Variants in RIMS1 observed in about 807,000 individuals in gnomAD.
RIMS1 encodes the protein regulating synaptic membrane exocytosis protein 1.
In RIMS1, 83 loss-of-function variants were observed where a neutral mutation model predicts 214.1. The ratio of observed to expected loss-of-function variants is 0.39; its 90% CI spans 0.32 to 0.47. The LOEUF is 0.47. RIMS1 is among the 20% of genes least tolerant of loss of function. The pLI is 0.99. For missense variants in RIMS1, 2,050 were observed against 2,161.8 expected, an observed-to-expected ratio of 0.95 and a Z score of 1.03; for synonymous variants, 793 against 786.8, an observed-to-expected ratio of 1.01 and a Z score of -0.13.
chr6:72,013,670 GC>G (rs1811667549), intron 2 of RIMS1, among the ~76,000 whole-genome samples: 1 of 152,148 alleles, frequency 6.6e-6, no homozygotes, highest in Non-Finnish European at 1.5e-5. Context: ...CATTTCAAAT[GC>G]TAGATTTAGG....
intron 1 of RIMS1, among the ~76,000 whole-genome samples, chr6:71,958,766 C>T (rs553337382): frequency 6.6e-6 from 1 of 152,174 alleles, no homozygotes; most frequent in African/African-American, 2.4e-5. Flanking sequence ...CCTATCAGGT[C>T]AAGGGGGAAG....
intron 16 of RIMS1, among the ~76,000 whole-genome samples, chr6:72,256,782 C>G (rs907853880): frequency 2.0e-5 from 3 of 150,958 alleles, no homozygotes; most frequent in Non-Finnish European, 4.4e-5. Flanking sequence ...AATTTCTAGT[C>G]TTAAAATTAC....
At chr6:72,256,944 ATTTC>A (rs5877323) in intron 16 of RIMS1, among the ~76,000 whole-genome samples, 2,260 of 152,092 alleles carry the variant, frequency 0.015, 18 homozygotes, top group Non-Finnish European at 0.017. Context: ...AAATGTTTGT[ATTTC>A]TTTAGTCTGA....
At position 72,239,581 on chromosome 6, in the gene RIMS1, A is replaced by G. The variant is rs373385193; in HGVS notation, c.1957+1659A>G. ...CCTTAGCCTATAAAACTACGGTGCAATCAATGTGACTTTTATTTAACATTT... is the reference window on the plus strand; with the variant it reads ...CCTTAGCCTATAAAACTACGGTGCAGTCAATGTGACTTTTATTTAACATTT... On this transcript the variant is annotated intron_variant, in intron 9 of 33. Transcript: ENST00000521978. Among the ~76,000 whole-genome samples, 265 of 152,294 alleles carry G rather than the reference A, an allele frequency of 1.7e-3. 2 individuals carry two copies. Among genetic ancestry groups the G allele is most frequent in the African/African-American group, 6.2e-3 (258 of 41,558 alleles).
At chr6:72,272,293 T>C (rs2083808323) in intron 22 of RIMS1, among the ~76,000 whole-genome samples, 2 of 152,138 alleles carry the variant, frequency 1.3e-5, no homozygotes, top group African/African-American at 2.4e-5. Flanking sequence ...GCACCTATTA[T>C]AGAAAGCATA....
At chr6:72,191,376 G>T (rs2050045987) in intron 6 of RIMS1, among the ~76,000 whole-genome samples, 1 of 152,194 alleles carries the variant, frequency 6.6e-6, no homozygotes, top group South Asian at 2.1e-4. Flanking sequence ...GAGGTAGAAG[G>T]TCCCTGAATT....
chr6:71,962,739 G>C (rs560517893), intron 1 of RIMS1, among the ~76,000 whole-genome samples: 1 of 152,190 alleles, frequency 6.6e-6, no homozygotes, highest in African/African-American at 2.4e-5. Context: ...AAATGAGGTT[G>C]CTTTTAAAGA....
At chr6:72,286,591 A>G (rs2092351570) in intron 24 of RIMS1, among the ~76,000 whole-genome samples, 1 of 152,230 alleles carries the variant, frequency 6.6e-6, no homozygotes, top group Non-Finnish European at 1.5e-5. Flanking sequence ...TGTAAACTAC[A>G]TGCCTAGTTT....
chr6:72,399,978 AT>A (rs923606111), intron 33 of RIMS1, among the ~76,000 whole-genome samples: 5 of 152,250 alleles, frequency 3.3e-5, no homozygotes, highest in African/African-American at 1.2e-4. Context: ...GCTCACAATT[AT>A]TTTTTGACCT....
chr6:72,362,430 A>G (rs1028916584), intron 29 of RIMS1, among the ~76,000 whole-genome samples: 2 of 152,208 alleles, frequency 1.3e-5, no homozygotes, highest in African/African-American at 2.4e-5. Flanking sequence ...TAGGTTTTAC[A>G]GGGTCGGAAT....
intron 2 of RIMS1, among the ~76,000 whole-genome samples, chr6:71,983,445 G>T (rs556117686): frequency 7.2e-5 from 11 of 151,742 alleles, no homozygotes; most frequent in Middle Eastern, 3.4e-3. Context: ...GAAAAAAAGG[G>T]TTTTTTTTAT....
intron 4 of RIMS1, among the ~76,000 whole-genome samples, chr6:72,129,983 C>T (rs911048535): frequency 1.3e-5 from 2 of 152,084 alleles, no homozygotes; most frequent in African/African-American, 4.8e-5. Context: ...TTTCTACCTA[C>T]ATTATTTCAG....
At chr6:72,179,316 A>G in intron 4 of RIMS1, 1 of 443,278 alleles carries the variant, frequency 2.3e-6, no homozygotes, top group Non-Finnish European at 4.1e-6. Flanking sequence ...GTAAAAGGAA[A>G]TTCAGAATAA....
chr6:72,290,587 C>G (rs964337518), intron 24 of RIMS1, 92 bp from the exon 25 acceptor site: 1 of 1,059,264 alleles, frequency 9.4e-7, no homozygotes, highest in African/African-American at 1.6e-5. Context: ...CTGTCATGTA[C>G]GAGTAACCAG....
At chr6:72,057,147 G>T (rs889245874) in intron 2 of RIMS1, among the ~76,000 whole-genome samples, 21 of 152,048 alleles carry the variant, frequency 1.4e-4, no homozygotes, top group Non-Finnish European at 2.9e-4. Context: ...ACCTGCATTT[G>T]TACCCCAAAC....
intron 27 of RIMS1, among the ~76,000 whole-genome samples, chr6:72,308,155 C>T (rs1327295816): frequency 6.6e-6 from 1 of 152,054 alleles, no homozygotes; most frequent in Non-Finnish European, 1.5e-5. Flanking sequence ...TAACTGATTT[C>T]AAACTTCTAG....
chr6:72,237,955 TG>T lies in RIMS1; in HGVS notation c.1957+34del, dbSNP rs1321445483. On this transcript the variant is annotated intron_variant, in intron 9 of 33. Coordinates refer to ENST00000521978, the MANE Select transcript of RIMS1 (RefSeq NM_014989.7). ...TTCTTTTTTTAATATTTAAACAGTG[TG>T]TTCTCCATGCATGAACATGAATTGG... 2.8e-6 allele frequency: 4 copies of T among 1,435,538 alleles called. No individual in the cohort carries two copies. In the African/African-American group the frequency reaches 4.3e-5, roughly 15 times the overall value. 88.9% of individuals were successfully genotyped at this position (1,435,538 alleles called of 1,614,324 possible). A position where few individuals can be genotyped will look rare whatever the true frequency, so the allele number is the denominator to read the frequency against.
At chr6:72,345,889 A>G (rs1250549284) in intron 29 of RIMS1, among the ~76,000 whole-genome samples, 1 of 151,792 alleles carries the variant, frequency 6.6e-6, no homozygotes, top group Non-Finnish European at 1.5e-5. Context: ...CACATTTGCC[A>G]ATTCTGGCAG....
At chr6:72,283,513 A>G (rs1216988608) in intron 23 of RIMS1, among the ~76,000 whole-genome samples, 10 of 143,636 alleles carry the variant, frequency 7.0e-5, no homozygotes, top group Admixed American at 3.3e-4. Context: ...AATACTTTAT[A>G]TAAATACTTT....
Sources: allele counts gnomAD v4.1 joint callset (sites outside exome capture counted in the v4.1 genomes callset), GRCh38; gene constraint gnomAD v4.1.1; transcripts MANE v1.5; gene names NCBI Gene and HGNC (gene_info 2026-07-23, HGNC 2026-07-21).